The following NIM1K variants were observed in gnomAD, a reference collection of about 807,000 sequenced individuals.
The protein encoded by NIM1K is NIM1 serine/threonine protein kinase, also known as serine/threonine-protein kinase NIM1.
In NIM1K, 35 loss-of-function variants were observed where a neutral mutation model predicts 37.1. The observed-to-expected ratio is 0.94, with a 90% CI of 0.72 to 1.25. The LOEUF (loss-of-function observed/expected upper bound fraction) is 1.25. Ranked by LOEUF, NIM1K falls within the 50% of genes most tolerant of loss-of-function variation. The probability of loss-of-function intolerance (pLI) is 0.00; values close to 1 mark genes in which losing one functional copy is unlikely to be tolerated. For synonymous variants in NIM1K, 234 were observed against 206.6 expected (o/e 1.13, Z -1.14); for missense variants, 564 against 548.0 (o/e 1.03, Z -0.29).
intron 1 of NIM1K, among the ~76,000 whole-genome samples, chr5:43,239,116 G>A (rs1035052081): frequency 2.6e-5 from 4 of 151,856 alleles, no homozygotes; most frequent in Admixed American, 6.5e-5. Flanking sequence ...CCTTATGTAG[G>A]AATTTAGGTT....
chr5:43,223,102 G>C (rs1028875565), intron 1 of NIM1K, among the ~76,000 whole-genome samples: 1 of 139,912 alleles, frequency 7.1e-6, no homozygotes, highest in Non-Finnish European at 1.5e-5. Context: ...TCGTGCCACT[G>C]CACTCCAGCC....
intron 2 of NIM1K, among the ~76,000 whole-genome samples, chr5:43,249,415 C>T (rs1333329876): frequency 1.3e-5 from 2 of 152,132 alleles, no homozygotes; most frequent in African/African-American, 4.8e-5. Context: ...GAGAAAACAC[C>T]TGCACGACAC....
In NIM1K at chr5:43,246,001, A is replaced by T; in HGVS notation, c.226A>T (p.Ile76Phe). The T allele has an allele frequency of 6.2e-7, 1 of 1,614,082 alleles. No individual in the cohort carries two copies. Among genetic ancestry groups the T allele is most frequent in the South Asian group, 1.1e-5 (1 of 91,080 alleles). The change falls in exon 2 of 4, where the codon ATT becomes TTT. Residue 76 changes from isoleucine (I) to phenylalanine (F), a missense_variant. Ile to Phe is a conservative substitution (Grantham distance 21). Transcript: ENST00000326035. ...TLGKRIGFYR[I>F]RGEIGSGNFS... Reference sequence around the variant, plus strand: ...GGGGAAACGGATAGGCTTCTACCGAATTCGAGGGGAAATCGGAAGTGGAAA... The same window carrying T: ...GGGGAAACGGATAGGCTTCTACCGATTTCGAGGGGAAATCGGAAGTGGAAA...
intron 1 of NIM1K, among the ~76,000 whole-genome samples, chr5:43,236,901 C>T (rs993621809): frequency 3.9e-5 from 6 of 152,188 alleles, no homozygotes; most frequent in African/African-American, 1.2e-4. Context: ...TTTCTATTTG[C>T]TTTGGAATTT....
intron 1 of NIM1K, among the ~76,000 whole-genome samples, chr5:43,208,947 G>A (rs77045037): frequency 0.03 from 4,627 of 152,270 alleles, 126 homozygotes; most frequent in Non-Finnish European, 0.052. Flanking sequence ...GCAGGAACTC[G>A]GGCAAAGGCA....
intron 1 of NIM1K, among the ~76,000 whole-genome samples, chr5:43,217,199 G>A (rs780623916): frequency 3.3e-5 from 5 of 152,070 alleles, no homozygotes; most frequent in Non-Finnish European, 5.9e-5. Flanking sequence ...TCTTCAGAAC[G>A]TTTCATGTAA....
chr5:43,229,593 A>T (rs1302644058), intron 1 of NIM1K, among the ~76,000 whole-genome samples: 8 of 151,936 alleles, frequency 5.3e-5, no homozygotes, highest in African/African-American at 1.9e-4. Flanking sequence ...CATATTCATG[A>T]ATATCAACCT....
At chr5:43,198,917 G>A (rs773603793) in intron 1 of NIM1K, among the ~76,000 whole-genome samples, 3 of 151,866 alleles carry the variant, frequency 2.0e-5, no homozygotes, top group South Asian at 2.1e-4. Flanking sequence ...GGCCAAGCAC[G>A]GTGGCTCACA....
At chr5:43,226,559 AAGTTT>A (rs2112237164) in intron 1 of NIM1K, among the ~76,000 whole-genome samples, 2 of 152,316 alleles carry the variant, frequency 1.3e-5, no homozygotes, top group East Asian at 3.9e-4. Flanking sequence ...AGAAAATCAG[AAGTTT>A]AGTTCTCATA....
intron 2 of NIM1K, among the ~76,000 whole-genome samples, chr5:43,269,379 C>A (rs969477193): frequency 2.7e-5 from 4 of 147,902 alleles, no homozygotes; most frequent in Non-Finnish European, 3.0e-5. Context: ...CACAGAACAT[C>A]TTTTCCCACC....
chr5:43,206,447 C>T (rs1039336543), intron 1 of NIM1K, among the ~76,000 whole-genome samples: 1 of 146,434 alleles, frequency 6.8e-6, no homozygotes, highest in Non-Finnish European at 1.5e-5. Flanking sequence ...CTGTAGTGAG[C>T]CATGATTGTG....
intron 2 of NIM1K, among the ~76,000 whole-genome samples, chr5:43,273,172 T>C (rs1241695846): frequency 6.6e-6 from 1 of 151,606 alleles, no homozygotes; most frequent in Non-Finnish European, 1.5e-5. Flanking sequence ...GCTGCTCCTC[T>C]CTGCACTTCT....
chr5:43,246,358 AC>A (rs1408037202), intron 2 of NIM1K, among the ~76,000 whole-genome samples: 2 of 152,082 alleles, frequency 1.3e-5, no homozygotes, highest in Non-Finnish European at 2.9e-5. Flanking sequence ...CTTCCACCAT[AC>A]CATGCAGATA....
chr5:43,193,886 T>G (rs1751870470), intron 1 of NIM1K, among the ~76,000 whole-genome samples: 1 of 152,216 alleles, frequency 6.6e-6, no homozygotes, highest in Non-Finnish European at 1.5e-5. Context: ...CAGAGGACCT[T>G]CTCTTGTACC....
At chr5:43,262,994 G>C (rs534063650) in intron 2 of NIM1K, among the ~76,000 whole-genome samples, 208 of 152,268 alleles carry the variant, frequency 1.4e-3, no homozygotes, top group African/African-American at 4.9e-3. Flanking sequence ...TTTTTGATGT[G>C]CTGCTGGATT....
At chr5:43,193,545 G>A (rs1240273797) in intron 1 of NIM1K, 1 of 151,480 alleles carries the variant, frequency 6.6e-6, no homozygotes, top group East Asian at 1.9e-4. Flanking sequence ...GACAAGTTTG[G>A]AAATTACACA....
chr5:43,202,404 T>C (rs1035859136), intron 1 of NIM1K, among the ~76,000 whole-genome samples: 1 of 152,208 alleles, frequency 6.6e-6, no homozygotes, highest in Non-Finnish European at 1.5e-5. Context: ...TGAGCTGATA[T>C]AGCTGAAAGA....
At chr5:43,272,946 C>T (rs1028029728) in intron 2 of NIM1K, among the ~76,000 whole-genome samples, 1 of 152,118 alleles carries the variant, frequency 6.6e-6, no homozygotes, top group Non-Finnish European at 1.5e-5. Context: ...AATAACCTTG[C>T]TTTGCTATTA....
At chr5:43,202,499 C>T (rs911952116) in intron 1 of NIM1K, among the ~76,000 whole-genome samples, 5 of 152,250 alleles carry the variant, frequency 3.3e-5, no homozygotes, top group African/African-American at 4.8e-5. Context: ...ATACAAAATG[C>T]GAGATTAAAA....
Sources: gnomAD v4.1 joint callset for allele counts (sites outside exome capture counted in the v4.1 genomes callset) on GRCh38, gnomAD v4.1.1 for gene constraint, MANE v1.5 for transcripts, NCBI Gene and HGNC (gene_info 2026-07-23, HGNC 2026-07-21) for gene names.